The following PPT1 variants were observed in gnomAD, a reference collection of about 807,000 sequenced individuals.
The protein encoded by PPT1 is ceroid-palmitoyl-palmitoyl-protein thioesterase 1.
In PPT1, 24 loss-of-function variants were observed where a neutral mutation model predicts 44.0. The observed-to-expected ratio is 0.54, with a 90% CI of 0.39 to 0.77. The LOEUF (loss-of-function observed/expected upper bound fraction) is 0.77. Among genes scored for constraint, PPT1 ranks in the 30% least tolerant of loss-of-function variants. The pLI is 0.00. For synonymous variants in PPT1, 148 were observed against 140.2 expected (o/e 1.06, Z -0.39); for missense variants, 341 against 378.8 (o/e 0.90, Z 0.83).
chr1:40,078,820 C>CT lies in PPT1; in HGVS notation c.628-163dup, dbSNP rs151295763. 11,546 of 620,464 alleles carry CT rather than the reference C, an allele frequency of 0.019. 436 individuals are homozygous for CT. Among genetic ancestry groups the CT allele is most frequent in the African/African-American group, 0.14 (7,477 of 52,858 alleles). 38.4% of individuals were successfully genotyped at this position (620,464 alleles called of 1,614,324 possible). On this transcript the variant is annotated intron_variant, in intron 6 of 8. Coordinates refer to ENST00000642050, the MANE Select transcript of PPT1 (RefSeq NM_000310.4). ...TCCTGACCAGGATATACCTGTACAG[C>CT]TTTTTTTTTTCTTTTTTTCTAAAAA...
At chr1:40,078,946 C>T in intron 6 of PPT1, 2 of 404,328 alleles carry the variant, frequency 4.9e-6, no homozygotes, top group Admixed American at 6.8e-5. Context: ...ATCCTTTCAC[C>T]CAGATAGTGA....
intron 5 of PPT1, among the ~76,000 whole-genome samples, chr1:40,086,483 T>C (rs1338279483): frequency 6.6e-6 from 1 of 152,136 alleles, no homozygotes; most frequent in African/African-American, 2.4e-5. Context: ...GTGGAAGACA[T>C]CTTTTGGGGT....
At chr1:40,078,507 C>T in intron 7 of PPT1, 53 bp downstream of exon 7, 2 of 1,550,278 alleles carry the variant, frequency 1.3e-6, no homozygotes, top group Non-Finnish European at 1.8e-6. Flanking sequence ...CGGCCAGCAG[C>T]CCTATTTTAA....
At chr1:40,085,182 G>A (rs1649193964) in intron 5 of PPT1, among the ~76,000 whole-genome samples, 1 of 152,202 alleles carries the variant, frequency 6.6e-6, no homozygotes, top group South Asian at 2.1e-4. Flanking sequence ...ACCTGGCTCT[G>A]CCTTTTAGAT....
chr1:40,076,336 A>G (rs1222759488), intron 8 of PPT1, among the ~76,000 whole-genome samples: 2 of 151,910 alleles, frequency 1.3e-5, no homozygotes, highest in Non-Finnish European at 2.9e-5. Context: ...GTGATGGCAC[A>G]CACCTGTAAT....
chr1:40,084,763 A>G (rs1649164905), intron 5 of PPT1, among the ~76,000 whole-genome samples: 1 of 152,246 alleles, frequency 6.6e-6, no homozygotes, highest in African/African-American at 2.4e-5. Flanking sequence ...CTTGCCCTAC[A>G]ATCATAACCT....
intron 6 of PPT1, among the ~76,000 whole-genome samples, chr1:40,079,211 A>G (rs541629687): frequency 3.3e-5 from 5 of 152,202 alleles, no homozygotes; most frequent in Admixed American, 1.3e-4. Flanking sequence ...TCCATGGTGT[A>G]TATGTACCAC....
intron 1 of PPT1, among the ~76,000 whole-genome samples, chr1:40,092,729 T>C (rs982257812): frequency 1.3e-5 from 2 of 152,088 alleles, no homozygotes; most frequent in Admixed American, 1.3e-4. Flanking sequence ...AATTTAAAAA[T>C]GGGAAAAGAA....
At chr1:40,087,133 T>C (rs1243664385) in intron 5 of PPT1, among the ~76,000 whole-genome samples, 1 of 152,060 alleles carries the variant, frequency 6.6e-6, no homozygotes, top group Non-Finnish European at 1.5e-5. Context: ...TCTCTCCCTG[T>C]TCTCTCTGCC....
intron 1 of PPT1, among the ~76,000 whole-genome samples, chr1:40,092,816 TGA>T: frequency 7.1e-6 from 1 of 141,550 alleles, no homozygotes. Flanking sequence ...AAAACCACGA[TGA>T]GATACCATTT....
At chr1:40,084,651 A>C (rs1649159560) in intron 5 of PPT1, among the ~76,000 whole-genome samples, 1 of 152,236 alleles carries the variant, frequency 6.6e-6, no homozygotes, top group Non-Finnish European at 1.5e-5. Context: ...TATATAAAAC[A>C]ACAAGAGTTA....
chr1:40,077,191 C>G (rs1395746788), intron 7 of PPT1, among the ~76,000 whole-genome samples: 1 of 152,226 alleles, frequency 6.6e-6, no homozygotes, highest in East Asian at 1.9e-4. Context: ...GTGCTGAGCT[C>G]TAGACATTCA....
Position 40,092,084 on chromosome 1 carries a change from C to A in PPT1, c.323G>T (p.Gly108Val), listed in dbSNP as rs1187215454. 1 of 1,614,128 alleles carries A rather than the reference C, an allele frequency of 6.2e-7. No individual in the cohort carries two copies. The highest frequency in any genetic ancestry group is 1.7e-5 in the Admixed American group (1 of 60,022). Residue 108 changes from glycine (G) to valine (V), a missense_variant, in exon 3 of 9, where the codon GGC becomes GTC. Transcript: ENST00000642050. ...CTGGGAGAATCCCATAGCATTGTAGCCTTGCTGCAATTTAGGATCCTTAGC... is the reference window on the plus strand; with the variant it reads ...CTGGGAGAATCCCATAGCATTGTAGACTTGCTGCAATTTAGGATCCTTAGC... ...ALAKDPKLQQ[G>V]YNAMGFSQGG... is the part of the protein sequence containing the mutation.
At chr1:40,071,870 A>G, downstream of PPT1, 1 of 442,188 alleles carries the variant, frequency 2.3e-6, no homozygotes, top group Non-Finnish European at 4.0e-6. Context: ...TTGGAAAGAA[A>G]ACAGTCCCTG....
intron 1 of PPT1, chr1:40,093,939 TC>T: frequency 1.4e-6 from 1 of 706,750 alleles, no homozygotes; most frequent in South Asian, 1.5e-5. Flanking sequence ...ATACCTATCA[TC>T]CCAGCGCTTT....
intron 1 of PPT1, among the ~76,000 whole-genome samples, chr1:40,093,413 T>A (rs1347307041): frequency 1.9e-5 from 2 of 103,114 alleles, no homozygotes; most frequent in East Asian, 6.0e-4. Context: ...GCTATGTGTG[T>A]TTTTCTGGGG....
chr1:40,091,459 C>T, intron 3 of PPT1, 60 bp from the exon 4 acceptor site: 1 of 1,438,642 alleles, frequency 7.0e-7, no homozygotes, highest in Non-Finnish European at 9.7e-7. Context: ...CATCCACAAT[C>T]AGCATCACAG....
At chr1:40,081,115 ATC>A (rs1648914595) in intron 5 of PPT1, among the ~76,000 whole-genome samples, 1 of 152,060 alleles carries the variant, frequency 6.6e-6, no homozygotes, top group African/African-American at 2.4e-5. Flanking sequence ...CCTCACCCAA[ATC>A]TCATCTTGAA....
intron 6 of PPT1, among the ~76,000 whole-genome samples, chr1:40,079,829 A>C (rs1310446749): frequency 2.6e-5 from 4 of 152,248 alleles, no homozygotes; most frequent in African/African-American, 7.2e-5. Context: ...AGAGAAAGCC[A>C]AGACAAAATA....
Sources: allele counts gnomAD v4.1 joint callset (sites outside exome capture counted in the v4.1 genomes callset), GRCh38; gene constraint gnomAD v4.1.1; transcripts MANE v1.5; gene names NCBI Gene and HGNC (gene_info 2026-07-23, HGNC 2026-07-21).